The following NRXN1 variants were observed in gnomAD, a reference collection of about 807,000 sequenced individuals.
NRXN1 encodes the protein neurexin-1.
Under a neutral mutation model 150.9 loss-of-function variants are expected in NRXN1, and 39 were observed. The ratio of observed to expected loss-of-function variants is 0.26; its 90% CI spans 0.20 to 0.34. NRXN1 has a LOEUF of 0.34. Ranked by LOEUF, NRXN1 falls within the 10% of genes least tolerant of loss-of-function variation. The pLI is 1.00. For synonymous variants in NRXN1, 924 were observed against 757.0 expected, an observed-to-expected ratio of 1.22 and a Z score of -3.62; for missense variants, 1,815 against 1,949.9, an observed-to-expected ratio of 0.93 and a Z score of 1.30.
intron 15 of NRXN1, among the ~76,000 whole-genome samples, chr2:50,491,123 A>G (rs2091228537): frequency 1.3e-5 from 2 of 152,152 alleles, no homozygotes; most frequent in African/African-American, 2.4e-5. Context: ...GGGCAAGACA[A>G]GTGGGCTGTC....
chr2:50,070,511 C>T (rs1312201424), intron 19 of NRXN1, among the ~76,000 whole-genome samples: 2 of 151,992 alleles, frequency 1.3e-5, no homozygotes, highest in African/African-American at 4.8e-5. Flanking sequence ...TGGCTCACGC[C>T]TGTAATCCCA....
rs1313668830 is a variant in NRXN1, at chr2:50,019,966, AAAAAAAAGAGAG to A, written c.4128+33293_4128+33304del. On this transcript the variant is annotated intron_variant, in intron 21 of 22. Coordinates refer to ENST00000401669, the MANE Select transcript of NRXN1 (RefSeq NM_001330078.2). The stretch of plus-strand genomic sequence containing the variant: ...CCGTCTCAAAAAAAAAAAAAAAAAA[AAAAAAAAGAGAG>A]AGAGAGAGACCTAGGGAGCTACGTC... Among the ~76,000 whole-genome samples the A allele has an allele frequency of 2.7e-4, 35 of 129,378 alleles. 4 individuals are homozygous for A. Among genetic ancestry groups the A allele is most frequent in the Non-Finnish European group, 3.9e-4 (23 of 59,156 alleles). The allele number at this position is 129,378 out of a possible 152,430, so 84.9% of individuals were successfully genotyped here.
At position 50,628,133 on chromosome 2, in the gene NRXN1, G is replaced by A. The variant is rs371301740; in HGVS notation, c.833-4518C>T. ...AGATATCTTGTATCATTCCAAATCT[G>A]CATAACTCAGAATAAATCTCAACAA... On this transcript the variant is annotated intron_variant, in intron 5 of 22. Transcript: ENST00000401669. Among the ~76,000 whole-genome samples, 4 of 151,766 alleles carry A rather than the reference G, an allele frequency of 2.6e-5. No homozygotes were observed. In the East Asian group the frequency reaches 7.8e-4, roughly 29 times the overall value.
chr2:50,120,535 T>G (rs1703715978), intron 18 of NRXN1, among the ~76,000 whole-genome samples: 1 of 152,202 alleles, frequency 6.6e-6, no homozygotes, highest in African/African-American at 2.4e-5. Flanking sequence ...CAATGTGCTA[T>G]GCAATGGAGA....
chr2:50,824,748 A>G (rs1403862046), intron 5 of NRXN1, among the ~76,000 whole-genome samples: 1 of 152,184 alleles, frequency 6.6e-6, no homozygotes, highest in African/African-American at 2.4e-5. Flanking sequence ...TGCAAGGCTA[A>G]AACAGACCAG....
intron 21 of NRXN1, among the ~76,000 whole-genome samples, chr2:50,001,173 A>G (rs563957801): frequency 6.6e-6 from 1 of 152,280 alleles, no homozygotes; most frequent in African/African-American, 2.4e-5. Context: ...GCTATTTAAC[A>G]TCTCTAATTT....
intron 18 of NRXN1, among the ~76,000 whole-genome samples, chr2:50,159,786 T>C (rs2059250815): frequency 6.6e-6 from 1 of 152,128 alleles, no homozygotes; most frequent in South Asian, 2.1e-4. Context: ...GTTCCAATGA[T>C]ATGGAATAAC....
intron 14 of NRXN1, 79 bp from the exon 15 acceptor site, chr2:50,496,174 G>T: frequency 8.6e-7 from 1 of 1,160,052 alleles, no homozygotes; most frequent in Non-Finnish European, 1.2e-6. Context: ...TACAAATGGA[G>T]ATTTTTTTTC....
intron 17 of NRXN1, among the ~76,000 whole-genome samples, chr2:50,297,513 C>G (rs1370774708): frequency 6.6e-6 from 1 of 152,072 alleles, no homozygotes; most frequent in Non-Finnish European, 1.5e-5. Context: ...TCAAAAAAAG[C>G]TTTACTACTT....
rs552347428 is a variant in NRXN1, at chr2:50,975,856, G to A, written c.773-49901C>T. Among the ~76,000 whole-genome samples the A allele has an allele frequency of 9.9e-5, 15 of 152,168 alleles. No individual in the cohort carries two copies. The East Asian group carries it at 1.5e-3, about 16-fold the overall frequency. On this transcript the variant is annotated intron_variant, in intron 2 of 22. Coordinates refer to ENST00000401669, the MANE Select transcript of NRXN1 (RefSeq NM_001330078.2). Reference sequence around the variant, plus strand: ...GGGAAGGGCTAACCCAAGAGCAGTCGAGGGAGATATATCAATGTTAGGGGA... The same window carrying A: ...GGGAAGGGCTAACCCAAGAGCAGTCAAGGGAGATATATCAATGTTAGGGGA...
At chr2:50,533,001 C>A (rs1473681102) in intron 10 of NRXN1, among the ~76,000 whole-genome samples, 1 of 152,126 alleles carries the variant, frequency 6.6e-6, no homozygotes, top group African/African-American at 2.4e-5. Context: ...TGTACTGATA[C>A]AACTGTGTTC....
chr2:50,613,062 G>C (rs1678452288), intron 8 of NRXN1, among the ~76,000 whole-genome samples: 1 of 152,142 alleles, frequency 6.6e-6, no homozygotes, highest in African/African-American at 2.4e-5. Flanking sequence ...ATTTGTCAAA[G>C]CCTTTGACAT....
At chr2:50,318,552 G>A (rs968989593) in intron 17 of NRXN1, among the ~76,000 whole-genome samples, 2 of 152,018 alleles carry the variant, frequency 1.3e-5, no homozygotes, top group Non-Finnish European at 1.5e-5. Flanking sequence ...TGAGCATAGA[G>A]TGGGTTACAA....
intron 12 of NRXN1, among the ~76,000 whole-genome samples, chr2:50,511,455 C>G (rs957109311): frequency 6.6e-6 from 1 of 152,170 alleles, no homozygotes; most frequent in Non-Finnish European, 1.5e-5. Flanking sequence ...TTTAATAAGT[C>G]TGTCAGTGCT....
chr2:49,933,100 T>A (rs1397828327), intron 22 of NRXN1, among the ~76,000 whole-genome samples: 1 of 152,180 alleles, frequency 6.6e-6, no homozygotes, highest in South Asian at 2.1e-4. Flanking sequence ...TTTTTGTTTT[T>A]GTTTGAGACA....
At chr2:50,536,468 T>C (rs552595444) in intron 10 of NRXN1, among the ~76,000 whole-genome samples, 16 of 152,284 alleles carry the variant, frequency 1.1e-4, no homozygotes, top group African/African-American at 3.8e-4. Context: ...TCATCCTGGC[T>C]CTGAAAGATC....
At position 49,920,362 on chromosome 2, in the gene NRXN1, T is replaced by TATTA. The variant is rs1305530808; in HGVS notation, c.*1578_*1581dup. 6.6e-6 allele frequency: 1 copy of TATTA among 152,556 alleles called. No homozygotes were observed. The highest frequency in any genetic ancestry group is 1.9e-4 in the East Asian group (1 of 5,192). The allele number at this position is 152,556 out of a possible 1,614,324, so 9.5% of individuals were successfully genotyped here. A position where few individuals can be genotyped will look rare whatever the true frequency, so the allele number is the denominator to read the frequency against. On this transcript the variant is annotated 3_prime_UTR_variant, in exon 23 of 23. Transcript: ENST00000401669. ...TGCACATCAGATTCAGAGATATATA[T>TATTA]ATTATTTTATTAGAAAGAAAGTTTT...
intron 5 of NRXN1, among the ~76,000 whole-genome samples, chr2:50,776,955 G>A (rs576791247): frequency 6.6e-6 from 1 of 152,234 alleles, no homozygotes; most frequent in South Asian, 2.1e-4. Context: ...GTAAGTACAT[G>A]CTGAAATCAA....
intron 18 of NRXN1, among the ~76,000 whole-genome samples, chr2:50,141,249 T>C (rs1707232032): frequency 6.6e-6 from 1 of 152,010 alleles, no homozygotes; most frequent in Non-Finnish European, 1.5e-5. Flanking sequence ...GAAACCTGGA[T>C]ATCTATATGC....
Sources: gnomAD v4.1 joint callset for allele counts (sites outside exome capture counted in the v4.1 genomes callset) on GRCh38, gnomAD v4.1.1 for gene constraint, MANE v1.5 for transcripts, NCBI Gene and HGNC (gene_info 2026-07-23, HGNC 2026-07-21) for gene names.